The following C16orf74 variants were observed in gnomAD, a reference collection of about 807,000 sequenced individuals.
C16orf74 encodes uncharacterized protein C16orf74.
A neutral mutation model predicts 6.5 loss-of-function variants in C16orf74; 10 were observed. The ratio of observed to expected loss-of-function variants is 1.54; its 90% CI spans 0.95 to 2.61. The LOEUF (loss-of-function observed/expected upper bound fraction) is 2.61. Ranked by LOEUF, C16orf74 falls within the 30% of genes most tolerant of loss-of-function variation. C16orf74 has a pLI of 0.00. For missense variants in C16orf74, 141 were observed against 105.9 expected (o/e 1.33, Z -1.45); for synonymous variants, 60 against 42.5 (o/e 1.41, Z -1.60).
At chr16:85,731,806 G>A (rs537548002) in intron 2 of C16orf74, among the ~76,000 whole-genome samples, 2 of 152,078 alleles carry the variant, frequency 1.3e-5, no homozygotes, top group African/African-American at 2.4e-5. Context: ...TCCCACCTCC[G>A]CCTCCCAAGT....
At chr16:85,750,329 C>CT (rs2054423159) in intron 1 of C16orf74, among the ~76,000 whole-genome samples, 1 of 152,016 alleles carries the variant, frequency 6.6e-6, no homozygotes, top group African/African-American at 2.4e-5. Flanking sequence ...CTGGGGGGAG[C>CT]TGCGGGTGCC....
At chr16:85,710,020 C>G in intron 3 of C16orf74, 144 bp downstream of exon 3, 1 of 647,326 alleles carries the variant, frequency 1.5e-6, no homozygotes, top group Non-Finnish European at 2.4e-6. Context: ...GCAGTGTACA[C>G]AGGTCTGACC....
chr16:85,727,135 T>C (rs896255679), intron 2 of C16orf74, among the ~76,000 whole-genome samples: 2 of 152,202 alleles, frequency 1.3e-5, no homozygotes, highest in African/African-American at 2.4e-5. Flanking sequence ...AGGGACGCAA[T>C]AAACGTTTGT....
At chr16:85,741,350 C>G (rs2054305229) in intron 1 of C16orf74, among the ~76,000 whole-genome samples, 1 of 152,086 alleles carries the variant, frequency 6.6e-6, no homozygotes, top group African/African-American at 2.4e-5. Flanking sequence ...AGCTGTCTTG[C>G]AATTTGAAAG....
intron 2 of C16orf74, chr16:85,710,904 T>C (rs1352420262): frequency 3.3e-5 from 5 of 152,308 alleles, no homozygotes; most frequent in Non-Finnish European, 5.9e-5. Flanking sequence ...ACATGATTTA[T>C]TTTTACTTCT....
intron 2 of C16orf74, among the ~76,000 whole-genome samples, chr16:85,734,253 C>T (rs928471104): frequency 1.7e-4 from 26 of 152,316 alleles, no homozygotes; most frequent in African/African-American, 6.3e-4. Flanking sequence ...GCCCTGCTCT[C>T]GTGCTCCCGG....
At chr16:85,743,079 A>AG (rs2054328183) in intron 1 of C16orf74, among the ~76,000 whole-genome samples, 1 of 151,976 alleles carries the variant, frequency 6.6e-6, no homozygotes, top group African/African-American at 2.4e-5. Context: ...GTTGGGGGTG[A>AG]ATTTATGTGG....
At chr16:85,713,107 C>T (rs2053986366) in intron 2 of C16orf74, among the ~76,000 whole-genome samples, 1 of 152,190 alleles carries the variant, frequency 6.6e-6, no homozygotes, top group Non-Finnish European at 1.5e-5. Context: ...CAGGTGTTGG[C>T]AAGGCTGGTT....
At chr16:85,711,929 G>A (rs925718804) in intron 2 of C16orf74, among the ~76,000 whole-genome samples, 31 of 152,178 alleles carry the variant, frequency 2.0e-4, no homozygotes, top group African/African-American at 7.2e-4. Context: ...GAGAGGCAGA[G>A]TCTAAGCCCT....
intron 2 of C16orf74, among the ~76,000 whole-genome samples, chr16:85,722,962 C>G (rs970308818): frequency 1.3e-5 from 2 of 152,202 alleles, no homozygotes; most frequent in African/African-American, 4.8e-5. Flanking sequence ...GGTTGAGCCA[C>G]TTGCCCAAGA....
intron 2 of C16orf74, among the ~76,000 whole-genome samples, chr16:85,728,071 A>C (rs1449801078): frequency 6.6e-6 from 1 of 151,384 alleles, no homozygotes; most frequent in Admixed American, 6.6e-5. Context: ...CCCAGAGATC[A>C]AGGCTGCAGT....
chr16:85,712,124 G>A (rs962236090), intron 2 of C16orf74, among the ~76,000 whole-genome samples: 30 of 152,346 alleles, frequency 2.0e-4, no homozygotes, highest in South Asian at 1.4e-3. Context: ...AGCAGCTCAC[G>A]TGGGTGAGGA....
chr16:85,735,665 T>C (rs1291420448), intron 1 of C16orf74, among the ~76,000 whole-genome samples: 1 of 150,820 alleles, frequency 6.6e-6, no homozygotes, highest in Non-Finnish European at 1.5e-5. Flanking sequence ...CCCATGGCCA[T>C]GTACCTCCCG....
At position 85,717,911 on chromosome 16, in the gene C16orf74, C is replaced by T. The variant is rs181650985; in HGVS notation, c.29-7604G>A. Among the ~76,000 whole-genome samples the T allele has an allele frequency of 4.7e-4, 71 of 152,254 alleles. 1 individual carries two copies. Among genetic ancestry groups the T allele is most frequent in the Middle Eastern group, 3.4e-3 (1 of 294 alleles). ...GAGCCAGGCAAGCCCGTGCCCGAGACGCTACATCCAGGCTCTGTGGAGGAT... is the reference window on the plus strand; with the variant it reads ...GAGCCAGGCAAGCCCGTGCCCGAGATGCTACATCCAGGCTCTGTGGAGGAT... On this transcript the variant is annotated intron_variant, in intron 2 of 3. Coordinates refer to ENST00000284245, the MANE Select transcript of C16orf74 (RefSeq NM_206967.3).
intron 1 of C16orf74, among the ~76,000 whole-genome samples, chr16:85,744,908 G>A (rs1338299856): frequency 6.6e-6 from 1 of 150,486 alleles, no homozygotes; most frequent in South Asian, 2.1e-4. Context: ...TTGGGAGGCC[G>A]AGGTGGGCGG....
At chr16:85,739,198 C>A (rs986271247) in intron 1 of C16orf74, among the ~76,000 whole-genome samples, 4 of 152,142 alleles carry the variant, frequency 2.6e-5, no homozygotes, top group African/African-American at 4.8e-5. Flanking sequence ...CTGCACAGAG[C>A]CCCAGGGCCT....
chr16:85,708,276 C>T lies in C16orf74; in HGVS notation c.173-210G>A, dbSNP rs561301791. On this transcript the variant is annotated intron_variant, in intron 3 of 3. Coordinates refer to ENST00000284245, the MANE Select transcript of C16orf74 (RefSeq NM_206967.3). ...TCAGTTTAAGAGGAACCCCTCCCAG[C>T]GTTCAGGAACCTCCCTGGGGCTCGG... is the stretch of plus-strand genomic sequence containing the variant. Among the ~76,000 whole-genome samples, 8 of 152,230 alleles carry T rather than the reference C, an allele frequency of 5.3e-5. No homozygotes were observed. In the East Asian group the frequency reaches 1.2e-3, roughly 22 times the overall value.
At chr16:85,731,953 A>G (rs1372876962) in intron 2 of C16orf74, among the ~76,000 whole-genome samples, 4 of 152,224 alleles carry the variant, frequency 2.6e-5, no homozygotes, top group Non-Finnish European at 4.4e-5. Context: ...AGTTTCCCAA[A>G]GTGTTGGGAC....
intron 2 of C16orf74, among the ~76,000 whole-genome samples, chr16:85,719,078 A>T (rs1003454087): frequency 6.6e-6 from 1 of 152,182 alleles, no homozygotes; most frequent in African/African-American, 2.4e-5. Flanking sequence ...CTGCTGTGAC[A>T]CTGCCTCTCG....
Sources: gnomAD v4.1 joint callset for allele counts (sites outside exome capture counted in the v4.1 genomes callset) on GRCh38, gnomAD v4.1.1 for gene constraint, MANE v1.5 for transcripts, NCBI Gene and HGNC (gene_info 2026-07-23, HGNC 2026-07-21) for gene names.